The following GRAMD2B variants were observed in gnomAD, a reference collection of about 807,000 sequenced individuals.
GRAMD2B encodes GRAM domain-containing protein 2B.
In GRAMD2B, 41 loss-of-function variants were observed where a neutral mutation model predicts 59.2. That is an observed-to-expected ratio of 0.69 (90% CI 0.54 to 0.90). The LOEUF (loss-of-function observed/expected upper bound fraction) is 0.90, where lower values mean the gene tolerates loss of function less well. GRAMD2B is among the 40% of genes least tolerant of loss of function. The probability of loss-of-function intolerance (pLI) is 0.00; values close to 1 mark genes in which losing one functional copy is unlikely to be tolerated. For synonymous variants in GRAMD2B, 161 were observed against 182.7 expected (o/e 0.88, Z 0.96); for missense variants, 424 against 500.5 (o/e 0.85, Z 1.46).
chr5:126,363,988 C>T (rs1754334926), intron 1 of GRAMD2B, among the ~76,000 whole-genome samples: 1 of 152,038 alleles, frequency 6.6e-6, no homozygotes, highest in African/African-American at 2.4e-5. Context: ...TAAATTATAT[C>T]TTAATAAGGC....
In GRAMD2B at chr5:126,468,187, C is replaced by G. The variant is rs573363358; in HGVS notation, c.204-1490C>G. ...CTACTTTGAAATGACTGCGTTTAGC[C>G]GTAGGGTTGAAGTTACGTACAAATG... On this transcript the variant is annotated intron_variant, in intron 2 of 13. Coordinates refer to ENST00000285689, the MANE Select transcript of GRAMD2B (RefSeq NM_023927.4). Among the ~76,000 whole-genome samples the G allele has an allele frequency of 6.2e-4, 95 of 152,250 alleles. No individual in the cohort carries two copies. The South Asian group carries it at 6.8e-3, about 11-fold the overall frequency.
intron 1 of GRAMD2B, among the ~76,000 whole-genome samples, chr5:126,389,435 T>C (rs1264116121): frequency 6.6e-6 from 1 of 152,198 alleles, no homozygotes; most frequent in Non-Finnish European, 1.5e-5. Flanking sequence ...ACCTCCTGAA[T>C]TGCCACACTT....
At chr5:126,452,816 T>C (rs1765603256) in intron 1 of GRAMD2B, among the ~76,000 whole-genome samples, 2 of 152,206 alleles carry the variant, frequency 1.3e-5, no homozygotes, top group South Asian at 2.1e-4. Flanking sequence ...AGGTTCCAAA[T>C]TGGTTTCCTT....
chr5:126,409,935 T>TTAAATAGGGAAACCTTTCCCC lies in GRAMD2B; in HGVS notation c.125+38379_125+38380insACCTTTCCCCTAAATAGGGAA, dbSNP rs1554075350. On this transcript the variant is annotated intron_variant, in intron 1 of 8. Transcript: ENST00000506445. Reference sequence around the variant, plus strand: ...TAGCCAGTTTTCCCAGCACCATTTATTAAATAGGGAATCCTTTCCCCATTG... The same window carrying TTAAATAGGGAAACCTTTCCCC: ...TAGCCAGTTTTCCCAGCACCATTTATTAAATAGGGAAACCTTTCCCCTAAATAGGGAATCCTTTCCCCATTG... Among the ~76,000 whole-genome samples, 1,389 of 141,526 alleles carry TTAAATAGGGAAACCTTTCCCC rather than the reference T, an allele frequency of 9.8e-3. 36 individuals carry two copies. The highest frequency in any genetic ancestry group is 0.035 in the African/African-American group (1,338 of 38,042). The allele number at this position is 141,526 out of a possible 152,430, so 92.8% of individuals were successfully genotyped here.
chr5:126,398,731 T>C (rs764441117), intron 1 of GRAMD2B, among the ~76,000 whole-genome samples: 3 of 152,186 alleles, frequency 2.0e-5, no homozygotes, highest in Non-Finnish European at 4.4e-5. Flanking sequence ...AAAGTAGGCA[T>C]TCATCACTAT....
intron 1 of GRAMD2B, among the ~76,000 whole-genome samples, chr5:126,384,779 G>A (rs1755973336): frequency 6.6e-6 from 1 of 152,220 alleles, no homozygotes; most frequent in Non-Finnish European, 1.5e-5. Context: ...CTCTGGCAGG[G>A]TAAATTCTGA....
upstream of GRAMD2B, among the ~76,000 whole-genome samples, chr5:126,422,104 T>C (rs1205263200): frequency 2.6e-5 from 4 of 152,170 alleles, no homozygotes; most frequent in Admixed American, 6.5e-5. Flanking sequence ...TCAATGTTTA[T>C]ACAAGCTTGC....
intron 1 of GRAMD2B, among the ~76,000 whole-genome samples, chr5:126,381,594 G>C (rs1755662916): frequency 6.6e-6 from 1 of 152,134 alleles, no homozygotes; most frequent in African/African-American, 2.4e-5. Context: ...TGTGTTAGGT[G>C]AGTCTCTTAA....
At chr5:126,403,772 A>G (rs1758029309) in intron 1 of GRAMD2B, among the ~76,000 whole-genome samples, 1 of 151,994 alleles carries the variant, frequency 6.6e-6, no homozygotes, top group East Asian at 1.9e-4. Context: ...GCAGAGGAAC[A>G]TAAAAGTCTC....
intron 1 of GRAMD2B, among the ~76,000 whole-genome samples, chr5:126,446,795 C>A (rs1022042802): frequency 6.6e-6 from 1 of 152,082 alleles, no homozygotes; most frequent in African/African-American, 2.4e-5. Flanking sequence ...CTCCCAGAAA[C>A]TGGGACTTGA....
At chr5:126,432,511 C>T (rs995173460) in intron 1 of GRAMD2B, among the ~76,000 whole-genome samples, 6 of 152,168 alleles carry the variant, frequency 3.9e-5, no homozygotes, top group Admixed American at 6.5e-5. Context: ...TGCTATATAT[C>T]GATAGTGATG....
intron 1 of GRAMD2B, among the ~76,000 whole-genome samples, chr5:126,427,565 G>T (rs918916056): frequency 6.6e-6 from 1 of 152,192 alleles, no homozygotes; most frequent in African/African-American, 2.4e-5. Context: ...AAGGATAGAT[G>T]TGGGCAACAA....
At chr5:126,415,086 C>T (rs563184458) in intron 1 of GRAMD2B, among the ~76,000 whole-genome samples, 4 of 152,210 alleles carry the variant, frequency 2.6e-5, no homozygotes, top group African/African-American at 9.6e-5. Context: ...CAGTACAAAG[C>T]ACAGAGCTTG....
chr5:126,452,912 T>G (rs963781932), intron 1 of GRAMD2B, among the ~76,000 whole-genome samples: 1 of 152,240 alleles, frequency 6.6e-6, no homozygotes, highest in Non-Finnish European at 1.5e-5. Flanking sequence ...TTTGCATTTC[T>G]ATCTTTTTGT....
intron 1 of GRAMD2B, among the ~76,000 whole-genome samples, chr5:126,380,366 T>G (rs1473656807): frequency 6.6e-6 from 1 of 152,226 alleles, no homozygotes; most frequent in African/African-American, 2.4e-5. Context: ...TTCCTTTTGC[T>G]TAGTCTTGCT....
At chr5:126,419,830 G>A (rs1703389452), upstream of GRAMD2B, among the ~76,000 whole-genome samples, 2 of 152,100 alleles carry the variant, frequency 1.3e-5, no homozygotes, top group African/African-American at 4.8e-5. Context: ...GCCAAGGTGG[G>A]CAGATCACCA....
intron 1 of GRAMD2B, chr5:126,371,714 A>G (rs1754769757): frequency 1.7e-6 from 1 of 589,114 alleles, no homozygotes; most frequent in South Asian, 2.3e-5. Flanking sequence ...CATCCTGACC[A>G]GTGGATTCGA....
chr5:126,476,388 T>C (rs186956064), intron 5 of GRAMD2B, among the ~76,000 whole-genome samples: 24 of 152,338 alleles, frequency 1.6e-4, no homozygotes, highest in African/African-American at 4.3e-4. Flanking sequence ...TGTGAGTTCC[T>C]AGGGAAGGGG....
chr5:126,466,254 AT>A (rs1481913647), intron 2 of GRAMD2B: 1 of 1,549,466 alleles, frequency 6.5e-7, no homozygotes, highest in Non-Finnish European at 8.7e-7. Flanking sequence ...TTGCTAAAAG[AT>A]TATTAACTCC....
Sources: allele counts gnomAD v4.1 joint callset (sites outside exome capture counted in the v4.1 genomes callset), GRCh38; gene constraint gnomAD v4.1.1; transcripts MANE v1.5; gene names NCBI Gene and HGNC (gene_info 2026-07-23, HGNC 2026-07-21).